Variants in LINGO2 observed in about 807,000 individuals in gnomAD.
LINGO2 encodes the protein leucine rich repeat and Ig domain containing 2.
A neutral mutation model predicts 30.6 loss-of-function variants in LINGO2; 14 were observed. The observed-to-expected ratio is 0.46, with a 90% CI of 0.30 to 0.72. The LOEUF (loss-of-function observed/expected upper bound fraction) is 0.72. Ranked by LOEUF, LINGO2 falls within the 30% of genes least tolerant of loss-of-function variation. The pLI is 0.07. For missense variants in LINGO2, 729 were observed against 751.7 expected, an observed-to-expected ratio of 0.97 and a Z score of 0.35; for synonymous variants, 317 against 288.5, an observed-to-expected ratio of 1.10 and a Z score of -1.00.
chr9:28,617,472 T>C (rs1826186786), intron 1 of LINGO2, among the ~76,000 whole-genome samples: 1 of 152,020 alleles, frequency 6.6e-6, no homozygotes, highest in Non-Finnish European at 1.5e-5. Context: ...ATTTTTTGTA[T>C]TTTTAGTAGA....
At chr9:28,619,705 C>T (rs1215648424) in intron 1 of LINGO2, among the ~76,000 whole-genome samples, 2 of 152,080 alleles carry the variant, frequency 1.3e-5, no homozygotes. Flanking sequence ...TGTGGCCATG[C>T]TGCCTACTAG....
At position 28,106,267 on chromosome 9, in the gene LINGO2, T is replaced by A. The variant is rs573805767; in HGVS notation, c.-86-93862A>T. 2.0e-5 allele frequency among the ~76,000 whole-genome samples: 3 copies of A among 152,256 alleles called. No homozygotes were observed. The East Asian group carries it at 5.8e-4, about 29-fold the overall frequency. On this transcript the variant is annotated intron_variant, in intron 4 of 5. Coordinates refer to ENST00000379992, the Ensembl canonical transcript of LINGO2. ...TCACCCAGTCTGTGGCATTTTGTTA[T>A]GGCAGCATGAGCAGACTAAGGCAAA... is the stretch of plus-strand genomic sequence containing the variant.
At chr9:28,081,695 C>A (rs1587822045) in intron 4 of LINGO2, among the ~76,000 whole-genome samples, 1 of 152,180 alleles carries the variant, frequency 6.6e-6, no homozygotes, top group East Asian at 1.9e-4. Context: ...TGAAGCTGAA[C>A]ATCACCTTCT....
At chr9:28,911,080 A>G in the LINGO2 span, among the ~76,000 whole-genome samples, 3 of 152,066 alleles carry the variant, frequency 2.0e-5, no homozygotes. Flanking sequence ...TTAGTGAGAA[A>G]AGAGATTGAA....
chr9:28,332,718 T>C (rs1825465833), intron 3 of LINGO2, among the ~76,000 whole-genome samples: 2 of 152,098 alleles, frequency 1.3e-5, no homozygotes, highest in Non-Finnish European at 2.9e-5. Context: ...TGAATAGAGT[T>C]TGATTGAAAC....
At chr9:27,957,585 A>G (rs181807969) in intron 5 of LINGO2, among the ~76,000 whole-genome samples, 16 of 152,010 alleles carry the variant, frequency 1.1e-4, no homozygotes, top group Admixed American at 2.6e-4. Flanking sequence ...GAGCCACCGC[A>G]CCCGGCCACT....
chr9:29,179,655 T>C, the LINGO2 span, among the ~76,000 whole-genome samples: 1 of 152,188 alleles, frequency 6.6e-6, no homozygotes, highest in Admixed American at 6.5e-5. Flanking sequence ...TCCACCCGCC[T>C]CAGCTTCCCA....
intron 4 of LINGO2, among the ~76,000 whole-genome samples, chr9:28,124,562 GA>G (rs1827187508): frequency 6.6e-6 from 1 of 152,058 alleles, no homozygotes; most frequent in South Asian, 2.1e-4. Context: ...TTTCTTTTTT[GA>G]ATAGTTTATG....
intron 4 of LINGO2, among the ~76,000 whole-genome samples, chr9:28,291,130 A>G (rs527442999): frequency 1.3e-5 from 2 of 152,244 alleles, no homozygotes; most frequent in East Asian, 1.9e-4. Flanking sequence ...CAGCTTACCT[A>G]TAGATATTTC....
chr9:28,677,535 C>G, the LINGO2 span, among the ~76,000 whole-genome samples: 1 of 152,116 alleles, frequency 6.6e-6, no homozygotes, highest in African/African-American at 2.4e-5. Flanking sequence ...TTCTGCACAT[C>G]TTGGATGAAA....
chr9:28,986,531 T>G, the LINGO2 span, among the ~76,000 whole-genome samples: 4 of 152,060 alleles, frequency 2.6e-5, no homozygotes, highest in Non-Finnish European at 5.9e-5. Flanking sequence ...CATTTATTTG[T>G]GTCTTCTTCA....
At chr9:28,105,023 G>A (rs747667942) in intron 4 of LINGO2, among the ~76,000 whole-genome samples, 10 of 152,030 alleles carry the variant, frequency 6.6e-5, no homozygotes, top group Non-Finnish European at 8.8e-5. Flanking sequence ...TCTGAAGAAC[G>A]GGGACCAAGA....
chr9:29,122,749 G>C, the LINGO2 span, among the ~76,000 whole-genome samples: 1 of 152,084 alleles, frequency 6.6e-6, no homozygotes, highest in African/African-American at 2.4e-5. Flanking sequence ...AAAGGACACA[G>C]AGAAATGCTG....
chr9:28,326,914 G>T (rs1825250210), intron 3 of LINGO2, among the ~76,000 whole-genome samples: 1 of 152,066 alleles, frequency 6.6e-6, no homozygotes, highest in African/African-American at 2.4e-5. Context: ...ATGGCTAAGG[G>T]CCTCATTCAC....
At chr9:28,568,897 G>A (rs528923390) in intron 1 of LINGO2, among the ~76,000 whole-genome samples, 3 of 146,888 alleles carry the variant, frequency 2.0e-5, no homozygotes, top group South Asian at 2.1e-4. Context: ...AATAACAGAG[G>A]AAAGTATAAA....
chr9:28,251,375 T>A (rs895726536), intron 4 of LINGO2, among the ~76,000 whole-genome samples: 1 of 152,140 alleles, frequency 6.6e-6, no homozygotes, highest in Admixed American at 6.6e-5. Context: ...TGTAAAGATA[T>A]GAGAAGTCTA....
the LINGO2 span, among the ~76,000 whole-genome samples, chr9:28,741,606 G>C: frequency 6.6e-6 from 1 of 151,974 alleles, no homozygotes; most frequent in Non-Finnish European, 1.5e-5. Context: ...GCTGGGGTCA[G>C]CCTGGTATAG....
At chr9:28,269,804 C>T (rs1220926521) in intron 4 of LINGO2, among the ~76,000 whole-genome samples, 1 of 152,118 alleles carries the variant, frequency 6.6e-6, no homozygotes. Context: ...ATGTAGCCAA[C>T]AATTGCTACT....
the LINGO2 span, among the ~76,000 whole-genome samples, chr9:28,785,984 C>T: frequency 6.6e-6 from 1 of 152,314 alleles, no homozygotes; most frequent in African/African-American, 2.4e-5. Context: ...CATTTATCTG[C>T]ACTGAAATAG....
Sources: allele counts gnomAD v4.1 joint callset (sites outside exome capture counted in the v4.1 genomes callset), GRCh38; gene constraint gnomAD v4.1.1; transcripts MANE v1.5; gene names NCBI Gene and HGNC (gene_info 2026-07-23, HGNC 2026-07-21).